The following FAM193B variants were observed in gnomAD, a reference collection of about 807,000 sequenced individuals.
FAM193B encodes the protein family with sequence similarity 193 member B.
A neutral mutation model predicts 70.7 loss-of-function variants in FAM193B; 27 were observed. The ratio of observed to expected loss-of-function variants is 0.38; its 90% CI spans 0.28 to 0.53. FAM193B has a LOEUF of 0.53. FAM193B is among the 20% of genes least tolerant of loss of function. FAM193B has a pLI of 0.81. For synonymous variants in FAM193B, 448 were observed against 436.0 expected, an observed-to-expected ratio of 1.03 and a Z score of -0.34; for missense variants, 1,022 against 1,072.5, an observed-to-expected ratio of 0.95 and a Z score of 0.66.
Position 177,521,997 on chromosome 5 carries a change from G to A in FAM193B, c.2447C>T (p.Thr816Ile). 1.9e-6 allele frequency: 3 copies of A among 1,614,002 alleles called. No homozygotes were observed. The highest frequency in any genetic ancestry group is 2.5e-6 in the Non-Finnish European group (3 of 1,179,874). The change falls in exon 8 of 9, where the codon ACC (threonine) becomes ATC (isoleucine). Residue 816 changes from threonine to isoleucine, a missense_variant. Thr to Ile is a moderately conservative substitution (Grantham distance 89). Coordinates refer to ENST00000514747, the MANE Select transcript of FAM193B (RefSeq NM_001190946.3). Reference protein sequence around the residue: ...VNWTNFSLKKTTPSTAQ With the variant: ...VNWTNFSLKKITPSTAQ ...ACCTCACTGAGCTGTGCTAGGAGTG[G>A]TTTTCTTGAGGCTGAAGTTGGTCCA...
intron 8 of FAM193B, among the ~76,000 whole-genome samples, chr5:177,521,597 A>G (rs1419124680): frequency 6.6e-6 from 1 of 152,240 alleles, no homozygotes; most frequent in Non-Finnish European, 1.5e-5. Context: ...ACAAGGACTG[A>G]TAACATCAGG....
At chr5:177,527,749 A>G (rs28483466) in intron 5 of FAM193B, among the ~76,000 whole-genome samples, 151,102 of 152,370 alleles carry the variant, frequency 0.99, 74,945 homozygotes, top group East Asian at 1. Flanking sequence ...CAGGCATGCT[A>G]TTCCAGGTCA....
chr5:177,523,866 C>A, intron 7 of FAM193B, 91 bp downstream of exon 7: 4 of 1,439,254 alleles, frequency 2.8e-6, no homozygotes, highest in Admixed American at 1.7e-5. Flanking sequence ...AGGGAGCAGG[C>A]CTTTCTGAGG....
chr5:177,532,127 C>G lies in FAM193B; in HGVS notation c.1275+316G>C. 6 of 1,350,744 alleles carry G rather than the reference C, an allele frequency of 4.4e-6. No individual in the cohort carries two copies. The highest frequency in any genetic ancestry group is 5.8e-6 in the Non-Finnish European group (6 of 1,029,778). 83.7% of individuals were successfully genotyped at this position (1,350,744 alleles called of 1,614,324 possible). The stretch of plus-strand genomic sequence containing the variant: ...TGCCTTCATCACTCCCAAGCGTTCA[C>G]TTCTCTGGGATTACACACGTATACA... On this transcript the variant is annotated intron_variant, in intron 5 of 8. Transcript: ENST00000514747. The surrounding 1 kb of genome is among the most constrained non-coding windows in gnomAD (Gnocchi z 4.9).
chr5:177,532,458 G>A lies in FAM193B; in HGVS notation c.1260C>T (p.Phe420=). 1 of 1,611,262 alleles carries A rather than the reference G, an allele frequency of 6.2e-7. No homozygotes were observed. The highest frequency in any genetic ancestry group is 8.5e-7 in the Non-Finnish European group (1 of 1,178,950). The part of the protein sequence containing the change: ...GKFCDCCYCE[F]FGHNAEKEKA... Reference sequence around the variant, plus strand: ...GCTCACTCACCGCATTGTGGCCGAAGAACTCACAGTAGCAGCAGTCACAGA... The same window carrying A: ...GCTCACTCACCGCATTGTGGCCGAAAAACTCACAGTAGCAGCAGTCACAGA... Residue 420 remains phenylalanine, a synonymous_variant, in exon 5 of 9, where the codon TTC becomes TTT. Coordinates refer to ENST00000514747, the MANE Select transcript of FAM193B (RefSeq NM_001190946.3). This position sits in a 1 kb window ranked among gnomAD's most constrained non-coding sequence, Gnocchi z 4.9.
rs1046821187 is a variant in FAM193B, at chr5:177,538,574, A to T, written c.453+331T>A. On this transcript the variant is annotated intron_variant, in intron 2 of 8. Transcript: ENST00000514747. The surrounding 1 kb of genome is among the most constrained non-coding windows in gnomAD (Gnocchi z 4.1). ...AACTAGGGCACATTTCAGACCCTCA[A>T]ACTCATCTCTGTCTCCCATGTCATA... Among the ~76,000 whole-genome samples the T allele has an allele frequency of 2.0e-5, 3 of 152,180 alleles. No homozygotes were observed. The highest frequency in any genetic ancestry group is 4.4e-5 in the Non-Finnish European group (3 of 68,026).
At position 177,537,882 on chromosome 5, in the gene FAM193B, TAGG is replaced by T. The variant is rs1764362022; in HGVS notation, c.676_678del (p.Pro226del). ...GAGCCTGGAGACTCACCGGGGATGGTAGGAGGACTCCCAAGAGAGCTGCCTGGC... is the reference window on the plus strand; with the variant it reads ...GAGCCTGGAGACTCACCGGGGATGGTAGGACTCCCAAGAGAGCTGCCTGGC... On this transcript the variant is annotated inframe_deletion, in exon 3 of 9. Coordinates refer to ENST00000514747, the MANE Select transcript of FAM193B (RefSeq NM_001190946.3). The T allele has an allele frequency of 2.5e-6, 4 of 1,608,142 alleles. No individual in the cohort carries two copies. The highest frequency in any genetic ancestry group is 3.4e-6 in the Non-Finnish European group (4 of 1,176,980).
At chr5:177,533,224 G>A (rs1763746548) in intron 4 of FAM193B, among the ~76,000 whole-genome samples, 1 of 152,184 alleles carries the variant, frequency 6.6e-6, no homozygotes, top group Admixed American at 6.5e-5. Context: ...CTTAACCACA[G>A]GGCACGGAGT....
rs1762282490 is a variant in FAM193B, at chr5:177,524,500, C to G, written c.1981G>C (p.Val661Leu). The change falls in exon 6 of 9, where the codon GTT (valine) becomes CTT (leucine). Residue 661 changes from valine to leucine, a missense_variant. By Grantham distance (32) the Val-to-Leu change is conservative. Coordinates refer to ENST00000514747, the MANE Select transcript of FAM193B (RefSeq NM_001190946.3). ...GCGACCTGGCCCTTGGCACTGGGAA[C>G]CTCTAGGCTGGCTGGGGGCCGGGGG... ...PAPRPPASLE[V>L]PSAKGQVAGP... is the part of the protein sequence containing the mutation. 3 of 1,612,956 alleles carry G rather than the reference C, an allele frequency of 1.9e-6. No homozygotes were observed. The highest frequency in any genetic ancestry group is 2.5e-6 in the Non-Finnish European group (3 of 1,179,726).
intron 6 of FAM193B, 66 bp downstream of exon 6, chr5:177,524,119 G>T (rs1335424191): frequency 1.2e-6 from 2 of 1,608,976 alleles, no homozygotes; most frequent in Non-Finnish European, 1.7e-6. Flanking sequence ...ACACACAAAG[G>T]CTGCCCCTCC....
intron 5 of FAM193B, among the ~76,000 whole-genome samples, chr5:177,527,250 TG>T (rs1762754342): frequency 7.4e-6 from 1 of 134,320 alleles, no homozygotes; most frequent in Non-Finnish European, 1.6e-5. Context: ...TTGGGGGATG[TG>T]GGGGTTGGGT....
At chr5:177,553,940 G>A in intron 1 of FAM193B, 2 of 1,236,116 alleles carry the variant, frequency 1.6e-6, no homozygotes, top group South Asian at 1.5e-5. Context: ...GCGGAGCTGC[G>A]GCCTCGGGAT....
chr5:177,553,561 G>A (rs952509236), intron 1 of FAM193B: 4 of 1,138,202 alleles, frequency 3.5e-6, no homozygotes, highest in African/African-American at 1.7e-5. Context: ...GGAAGCTTTG[G>A]GGAATCCTCC....
chr5:177,539,232 A>C (rs1764561544), intron 1 of FAM193B, 85 bp from the exon 2 acceptor site: 2 of 1,433,236 alleles, frequency 1.4e-6, no homozygotes, highest in East Asian at 5.0e-5. Context: ...AATGCCACTT[A>C]TTACGTGCCA....
At chr5:177,527,217 G>C (rs977409784) in intron 5 of FAM193B, among the ~76,000 whole-genome samples, 1 of 152,342 alleles carries the variant, frequency 6.6e-6, no homozygotes, top group East Asian at 1.9e-4. Context: ...ATCATTCAGA[G>C]GTATAGCTGT....
chr5:177,533,826 A>C, intron 4 of FAM193B, among the ~76,000 whole-genome samples: 1 of 152,234 alleles, frequency 6.6e-6, no homozygotes, highest in Non-Finnish European at 1.5e-5. Flanking sequence ...GGGTGCAGGC[A>C]GGGGAGATGT....
In FAM193B at chr5:177,524,531, G is replaced by A; in HGVS notation, c.1950C>T (p.Ser650=). The change falls in exon 6 of 9, where the codon AGC becomes AGT. Residue 650 remains serine, a synonymous_variant. Transcript: ENST00000514747. ...GGCTGGCTGGGGGCCGGGGGGCTGG[G>A]CTTGCCTCGCTCTTCTTGGCCTGAC... is the stretch of plus-strand genomic sequence containing the variant. ...QGSQAKKSEA[S]PAPRPPASLE... 6.2e-7 allele frequency: 1 copy of A among 1,612,004 alleles called. No individual in the cohort carries two copies. The highest frequency in any genetic ancestry group is 8.5e-7 in the Non-Finnish European group (1 of 1,179,334).
chr5:177,537,639 T>G (rs996005330), intron 3 of FAM193B, among the ~76,000 whole-genome samples: 1 of 152,214 alleles, frequency 6.6e-6, no homozygotes, highest in African/African-American at 2.4e-5. Context: ...CCAGAGCCAA[T>G]GACAACTTTG....
At chr5:177,543,270 T>C (rs567031369) in intron 1 of FAM193B, among the ~76,000 whole-genome samples, 2 of 152,346 alleles carry the variant, frequency 1.3e-5, no homozygotes, top group Non-Finnish European at 2.9e-5. Context: ...TAAGCTCTAA[T>C]TGAAGCTGCC....
Sources: allele counts gnomAD v4.1 joint callset (sites outside exome capture counted in the v4.1 genomes callset), GRCh38; gene constraint gnomAD v4.1.1; non-coding constraint Gnocchi (gnomAD v3.1); transcripts MANE v1.5; gene names NCBI Gene and HGNC (gene_info 2026-07-23, HGNC 2026-07-21).